The following FAM184A variants were observed in gnomAD, a reference collection of about 807,000 sequenced individuals.
FAM184A encodes the protein protein FAM184A.
FAM184A carries 99 observed loss-of-function variants against 143.8 expected under a neutral mutation model. That is an observed-to-expected ratio of 0.69 (90% CI 0.58 to 0.81). The LOEUF (loss-of-function observed/expected upper bound fraction) is 0.81, where lower values mean the gene tolerates loss of function less well. Among genes scored for constraint, FAM184A ranks in the 40% least tolerant of loss-of-function variants. The pLI is 0.00. For synonymous variants in FAM184A, 427 were observed against 446.4 expected (o/e 0.96, Z 0.55); for missense variants, 1,217 against 1,310.5 (o/e 0.93, Z 1.10).
intron 1 of FAM184A, among the ~76,000 whole-genome samples, chr6:119,134,653 CAAAAAAA>C (rs11360363): frequency 8.2e-6 from 1 of 122,136 alleles, no homozygotes; most frequent in African/African-American, 3.1e-5. Flanking sequence ...GACCTTGTCT[CAAAAAAA>C]AAAAAAAAAG....
rs946753381 is a variant in FAM184A, at chr6:118,966,920, C to T, written c.2948G>A (p.Arg983Lys). ...LEEMEEKYLM[R>K]ESKPEDIQMI... The stretch of plus-strand genomic sequence containing the variant: ...CTGTATATCTTCTGGTTTTGATTCT[C>T]TCATTAGATATTTTTCTTCCATTTC... The change falls in exon 15 of 18, where the codon AGA becomes AAA. Residue 983 changes from arginine (R) to lysine (K), a missense_variant. By Grantham distance (26) the Arg-to-Lys change is conservative. Transcript: ENST00000338891. 6.4e-7 allele frequency: 1 copy of T among 1,571,928 alleles called. No individual in the cohort carries two copies. Among genetic ancestry groups the T allele is most frequent in the Admixed American group, 1.7e-5 (1 of 58,942 alleles).
intron 1 of FAM184A, among the ~76,000 whole-genome samples, chr6:119,113,656 C>T (rs1279298433): frequency 6.6e-6 from 1 of 151,988 alleles, no homozygotes; most frequent in Non-Finnish European, 1.5e-5. Context: ...AGAGAGACCA[C>T]ATTCACATAA....
chr6:119,058,830 G>A (rs189252859), intron 1 of FAM184A, among the ~76,000 whole-genome samples: 2 of 152,210 alleles, frequency 1.3e-5, no homozygotes, highest in Non-Finnish European at 2.9e-5. Flanking sequence ...CATCCCAGCA[G>A]GTCCAATTAT....
At chr6:118,968,855 A>G (rs954055737) in intron 14 of FAM184A, among the ~76,000 whole-genome samples, 2 of 152,086 alleles carry the variant, frequency 1.3e-5, no homozygotes, top group African/African-American at 4.8e-5. Context: ...CTATCCCTGA[A>G]TCCAAATTGC....
At chr6:119,047,674 C>A (rs1209400332) in intron 1 of FAM184A, among the ~76,000 whole-genome samples, 1 of 152,000 alleles carries the variant, frequency 6.6e-6, no homozygotes, top group African/African-American at 2.4e-5. Flanking sequence ...AAGACTGAAC[C>A]AGGAAGAAAT....
intron 1 of FAM184A, among the ~76,000 whole-genome samples, chr6:119,063,766 T>A (rs1271460564): frequency 6.6e-6 from 1 of 151,852 alleles, no homozygotes; most frequent in African/African-American, 2.4e-5. Context: ...ATAAAAAAAA[T>A]GCGTCTTATT....
intron 9 of FAM184A, among the ~76,000 whole-genome samples, chr6:118,999,092 T>A (rs1784666497): frequency 1.3e-5 from 2 of 152,132 alleles, no homozygotes; most frequent in African/African-American, 4.8e-5. Context: ...CAGTGGGGAC[T>A]GCTGATGAAC....
At chr6:119,110,756 A>G (rs1272268550) in intron 1 of FAM184A, among the ~76,000 whole-genome samples, 1 of 152,238 alleles carries the variant, frequency 6.6e-6, no homozygotes, top group East Asian at 1.9e-4. Flanking sequence ...TTTCACAATT[A>G]AAGTACTCCT....
At chr6:119,069,152 T>A (rs1227458174) in intron 1 of FAM184A, 1 of 283,120 alleles carries the variant, frequency 3.5e-6, no homozygotes, top group Admixed American at 4.4e-5. Context: ...TGAAATGGAA[T>A]AATAAATAGT....
At chr6:119,076,107 C>CT (rs1787862495) in intron 1 of FAM184A, among the ~76,000 whole-genome samples, 2 of 151,828 alleles carry the variant, frequency 1.3e-5, no homozygotes, top group Non-Finnish European at 2.9e-5. Flanking sequence ...ATTGTCATGA[C>CT]TGGGGGTGGG....
In FAM184A at chr6:118,997,164, G is replaced by A. The variant is rs929014835; in HGVS notation, c.2088+5735C>T. Among the ~76,000 whole-genome samples, 52 of 151,842 alleles carry A rather than the reference G, an allele frequency of 3.4e-4. 1 individual carries two copies. Among genetic ancestry groups the A allele is most frequent in the Admixed American group, 8.5e-4 (13 of 15,256 alleles). ...ACCTGTAATCCCAGCACTTTGGGAG[G>A]CAGAGGTGGACAGATCACTTGAAGT... On this transcript the variant is annotated intron_variant, in intron 9 of 17. Coordinates refer to ENST00000338891, the MANE Select transcript of FAM184A (RefSeq NM_024581.6).
intron 1 of FAM184A, among the ~76,000 whole-genome samples, chr6:119,112,559 C>T (rs966926503): frequency 3.3e-5 from 5 of 152,196 alleles, no homozygotes; most frequent in African/African-American, 1.2e-4. Context: ...TAGAGTAGAG[C>T]AGTCTCCTTT....
intron 1 of FAM184A, among the ~76,000 whole-genome samples, chr6:119,063,647 T>G (rs1787339086): frequency 6.6e-6 from 1 of 152,148 alleles, no homozygotes; most frequent in Non-Finnish European, 1.5e-5. Flanking sequence ...TATCAACCTC[T>G]TGGGATTATG....
chr6:119,012,869 G>C (rs553157938), intron 5 of FAM184A, among the ~76,000 whole-genome samples: 1 of 152,296 alleles, frequency 6.6e-6, no homozygotes, highest in South Asian at 2.1e-4. Context: ...TTCTGCATGG[G>C]TTCTCTGTAT....
chr6:119,035,735 C>T (rs535315735), intron 1 of FAM184A, among the ~76,000 whole-genome samples: 28 of 152,314 alleles, frequency 1.8e-4, no homozygotes, highest in African/African-American at 6.7e-4. Context: ...GGTAACAACG[C>T]TTTTAACCAG....
chr6:119,017,013 T>A, intron 4 of FAM184A, 69 bp from the exon 5 acceptor site: 1 of 1,026,438 alleles, frequency 9.7e-7, no homozygotes, highest in Non-Finnish European at 1.4e-6. Flanking sequence ...GTAATTTGAA[T>A]ACCCTATAAA....
Position 118,966,946 on chromosome 6 carries a change from T to C in FAM184A, c.2922A>G (p.Glu974=). The part of the protein sequence containing the change: ...EINAALQVSL[E]EMEEKYLMRE... ...TCATTAGATATTTTTCTTCCATTTCTTCTAATCTGAAAACAAGAAAGACTT... is the reference window on the plus strand; with the variant it reads ...TCATTAGATATTTTTCTTCCATTTCCTCTAATCTGAAAACAAGAAAGACTT... The change falls in exon 15 of 18, where the codon GAA becomes GAG. Residue 974 remains glutamate (E), a synonymous_variant. Transcript: ENST00000338891. 6.8e-7 allele frequency: 1 copy of C among 1,460,100 alleles called. No homozygotes were observed. The highest frequency in any genetic ancestry group is 9.5e-7 in the Non-Finnish European group (1 of 1,049,530). 90.4% of individuals were successfully genotyped at this position (1,460,100 alleles called of 1,614,324 possible).
intron 14 of FAM184A, among the ~76,000 whole-genome samples, chr6:118,970,568 A>G (rs1783664769): frequency 6.6e-6 from 1 of 152,212 alleles, no homozygotes. Flanking sequence ...AAATATTAAG[A>G]AAATAATATA....
intron 1 of FAM184A, among the ~76,000 whole-genome samples, chr6:119,115,970 AACACACACAC>A (rs66707302): frequency 1.4e-4 from 19 of 137,396 alleles, no homozygotes; most frequent in East Asian, 6.3e-4. Flanking sequence ...CTCCGTCTCA[AACACACACAC>A]ACACACACAC....
Sources: allele counts gnomAD v4.1 joint callset (sites outside exome capture counted in the v4.1 genomes callset), GRCh38; gene constraint gnomAD v4.1.1; transcripts MANE v1.5; gene names NCBI Gene and HGNC (gene_info 2026-07-23, HGNC 2026-07-21).